Variants in VRK2 observed in about 807,000 individuals in gnomAD.
The protein encoded by VRK2 is VRK serine/threonine kinase 2.
In VRK2, 60 loss-of-function variants were observed where a neutral mutation model predicts 57.6. The ratio of observed to expected loss-of-function variants is 1.04; its 90% CI spans 0.85 to 1.29. The LOEUF is 1.29. Among genes scored for constraint, VRK2 ranks in the 50% most tolerant of loss-of-function variants. The probability of loss-of-function intolerance (pLI) is 0.00; values close to 1 mark genes in which losing one functional copy is unlikely to be tolerated. For synonymous variants in VRK2, 231 were observed against 199.2 expected (o/e 1.16, Z -1.35); for missense variants, 705 against 588.1 (o/e 1.20, Z -2.06).
intron 7 of VRK2, among the ~76,000 whole-genome samples, chr2:58,090,786 C>T (rs547801760): frequency 3.2e-4 from 49 of 152,182 alleles, no homozygotes; most frequent in African/African-American, 1.1e-3. Flanking sequence ...TATTCATACT[C>T]GTCAAAACAT....
intron 12 of VRK2, among the ~76,000 whole-genome samples, chr2:58,154,171 TTG>T (rs1683445366): frequency 6.6e-6 from 1 of 152,086 alleles, no homozygotes; most frequent in African/African-American, 2.4e-5. Flanking sequence ...TACTGGTAGT[TTG>T]TGTTTTCTTT....
chr2:57,911,481 C>G (rs1294060156), intron 1 of VRK2, among the ~76,000 whole-genome samples: 1 of 152,150 alleles, frequency 6.6e-6, no homozygotes, highest in Non-Finnish European at 1.5e-5. Flanking sequence ...CTGACCAACC[C>G]ACACCCATTG....
intron 2 of VRK2, among the ~76,000 whole-genome samples, chr2:58,051,365 G>A (rs1432854582): frequency 1.3e-5 from 2 of 151,208 alleles, no homozygotes; most frequent in East Asian, 1.9e-4. Flanking sequence ...AAAGATGTGT[G>A]TTCCAAATGT....
At chr2:58,132,625 T>C (rs778910383) in intron 9 of VRK2, among the ~76,000 whole-genome samples, 4 of 152,156 alleles carry the variant, frequency 2.6e-5, no homozygotes, top group African/African-American at 7.2e-5. Context: ...TACCAAGATA[T>C]GCTCAACAGT....
chr2:58,145,035 C>G (rs1021053193), intron 11 of VRK2, among the ~76,000 whole-genome samples: 1 of 151,986 alleles, frequency 6.6e-6, no homozygotes, highest in African/African-American at 2.4e-5. Context: ...CCCCTTTGTG[C>G]TGTTCCTATC....
chr2:58,054,738 A>C (rs1013995186), intron 2 of VRK2, among the ~76,000 whole-genome samples: 1 of 152,128 alleles, frequency 6.6e-6, no homozygotes, highest in African/African-American at 2.4e-5. Flanking sequence ...ACTTAAAGGC[A>C]TTTATGGTTT....
intron 2 of VRK2, among the ~76,000 whole-genome samples, chr2:58,079,145 A>G (rs547208636): frequency 1.3e-5 from 2 of 152,286 alleles, no homozygotes; most frequent in African/African-American, 2.4e-5. Context: ...AATTCAGATT[A>G]TGTGTTATTT....
At chr2:57,988,547 T>C (rs554881940) in intron 1 of VRK2, among the ~76,000 whole-genome samples, 3 of 152,354 alleles carry the variant, frequency 2.0e-5, no homozygotes, top group East Asian at 1.9e-4. Context: ...GGAGGCATCA[T>C]CCAATCCATC....
chr2:57,948,278 C>G (rs1228563513), intron 1 of VRK2, among the ~76,000 whole-genome samples: 1 of 152,128 alleles, frequency 6.6e-6, no homozygotes, highest in Non-Finnish European at 1.5e-5. Flanking sequence ...TTCTAATTAA[C>G]ATTTTCTTTC....
intron 9 of VRK2, among the ~76,000 whole-genome samples, chr2:58,134,308 G>GCTA (rs1679650042): frequency 6.6e-6 from 1 of 152,152 alleles, no homozygotes; most frequent in East Asian, 1.9e-4. Flanking sequence ...AGGAATAAAT[G>GCTA]CTACATACAT....
intron 12 of VRK2, among the ~76,000 whole-genome samples, chr2:58,151,693 C>G (rs1359353065): frequency 1.4e-5 from 1 of 73,400 alleles, no homozygotes; most frequent in Non-Finnish European, 2.8e-5. Context: ...TTATTTTGGA[C>G]TGATTGAGAA....
chr2:58,130,640 A>G (rs1431180697), intron 8 of VRK2, among the ~76,000 whole-genome samples: 2 of 152,204 alleles, frequency 1.3e-5, no homozygotes, highest in African/African-American at 4.8e-5. Flanking sequence ...GACTTTTTAA[A>G]TTAAAAACTA....
chr2:57,927,040 T>A (rs1670563667), intron 1 of VRK2, among the ~76,000 whole-genome samples: 4 of 98,034 alleles, frequency 4.1e-5, no homozygotes, highest in South Asian at 6.9e-4. Flanking sequence ...GTCTGTCGTA[T>A]TTTTTTTAGG....
At chr2:57,931,619 C>T (rs563066756) in intron 1 of VRK2, among the ~76,000 whole-genome samples, 11 of 152,050 alleles carry the variant, frequency 7.2e-5, no homozygotes, top group African/African-American at 2.2e-4. Context: ...TGTATTAGTT[C>T]GATATAGTCC....
intron 7 of VRK2, among the ~76,000 whole-genome samples, chr2:58,102,560 A>G (rs1434733726): frequency 1.3e-5 from 2 of 151,560 alleles, no homozygotes; most frequent in Admixed American, 1.3e-4. Context: ...AGGCTATACC[A>G]GTCGTAAATA....
At chr2:58,089,762 G>A (rs1470092556) in intron 7 of VRK2, 39 bp downstream of exon 7, 3 of 1,397,608 alleles carry the variant, frequency 2.1e-6, no homozygotes, top group South Asian at 2.4e-5. Flanking sequence ...GGTCTTTAAT[G>A]TATGAAACTG....
chr2:58,064,347 CCA>C (rs778104133), intron 2 of VRK2, among the ~76,000 whole-genome samples: 5 of 152,032 alleles, frequency 3.3e-5, no homozygotes, highest in African/African-American at 4.8e-5. Context: ...TTAGAAATTG[CCA>C]CAGTCACCGC....
intron 12 of VRK2, 63 bp from the exon 13 acceptor site, chr2:58,159,286 C>CAAAAT (rs2104755295): frequency 9.1e-6 from 12 of 1,323,082 alleles, no homozygotes; most frequent in East Asian, 4.6e-5. Flanking sequence ...ACACACTACA[C>CAAAAT]AAAATAAATA....
chr2:57,995,999 G>T (rs1672911307), intron 1 of VRK2, among the ~76,000 whole-genome samples: 1 of 152,052 alleles, frequency 6.6e-6, no homozygotes, highest in Admixed American at 6.6e-5. Context: ...AACAATACAA[G>T]AATAACAAAT....
Sources: gnomAD v4.1 joint callset for allele counts (sites outside exome capture counted in the v4.1 genomes callset) on GRCh38, gnomAD v4.1.1 for gene constraint, MANE v1.5 for transcripts, NCBI Gene and HGNC (gene_info 2026-07-23, HGNC 2026-07-21) for gene names.